The following NUF2 variants were observed in gnomAD, a reference collection of about 807,000 sequenced individuals.
NUF2 encodes the protein NUF2 component of NDC80 kinetochore complex.
Under a neutral mutation model 61.8 loss-of-function variants are expected in NUF2, and 34 were observed. The observed-to-expected ratio is 0.55, with a 90% CI of 0.42 to 0.73. NUF2 has a LOEUF of 0.73. NUF2 is among the 30% of genes least tolerant of loss of function. The probability of loss-of-function intolerance (pLI) is 0.00; values close to 1 mark genes in which losing one functional copy is unlikely to be tolerated. For missense variants in NUF2, 445 were observed against 539.1 expected, an observed-to-expected ratio of 0.83 and a Z score of 1.73; for synonymous variants, 172 against 181.6, an observed-to-expected ratio of 0.95 and a Z score of 0.42.
At chr1:163,323,744 G>C (rs1022295866) in intron 1 of NUF2, among the ~76,000 whole-genome samples, 5 of 151,940 alleles carry the variant, frequency 3.3e-5, no homozygotes, top group African/African-American at 7.3e-5. Context: ...TAGACAAAAC[G>C]TCCTAGCTCT....
intron 2 of NUF2, among the ~76,000 whole-genome samples, chr1:163,327,098 T>TCTTTAAAACACA (rs1553230626): frequency 0.025 from 841 of 33,360 alleles, 9 homozygotes; most frequent in African/African-American, 0.042. Context: ...TTTCCTGTGT[T>TCTTTAAAACACA]CACACACACA....
chr1:163,352,303 C>A (rs1435562809), intron 13 of NUF2, among the ~76,000 whole-genome samples: 1 of 152,200 alleles, frequency 6.6e-6, no homozygotes, highest in Non-Finnish European at 1.5e-5. Context: ...TGGATTGCAG[C>A]AACATTTGCT....
At chr1:163,326,404 T>TAAA (rs35847334) in intron 2 of NUF2, among the ~76,000 whole-genome samples, 3,504 of 147,422 alleles carry the variant, frequency 0.024, 108 homozygotes, top group African/African-American at 0.071. Context: ...GTCGTTTTCT[T>TAAA]AAAAAAAAAA....
chr1:163,339,416 A>T lies in NUF2; in HGVS notation c.545A>T (p.Gln182Leu). Residue 182 changes from glutamine (Q) to leucine (L), a missense_variant, in exon 8 of 14, where the codon CAG (glutamine) becomes CTG (leucine). Gln to Leu is a moderately radical substitution (Grantham distance 113, BLOSUM62 -2). Coordinates refer to ENST00000271452, the MANE Select transcript of NUF2 (RefSeq NM_145697.3). ...GTTGAAGAGCAAGAAGAGTTCAAGC[A>T]GCTTTCAGATGGAATTCAGGAGCTA... The part of the protein sequence containing the change: ...VPVEEQEEFK[Q>L]LSDGIQELQQ... 6.2e-7 allele frequency: 1 copy of T among 1,613,040 alleles called. No individual in the cohort carries two copies. The highest frequency in any genetic ancestry group is 2.2e-5 in the East Asian group (1 of 44,844).
intron 8 of NUF2, among the ~76,000 whole-genome samples, chr1:163,340,021 G>A (rs1032420961): frequency 2.6e-5 from 4 of 152,274 alleles, no homozygotes; most frequent in African/African-American, 4.8e-5. Context: ...TCCAACGTAC[G>A]TGAATTTATG....
Position 163,336,865 on chromosome 1 carries a change from T to C in NUF2, c.435+17T>C. ...TGGCAATATGTAAGATTTAAATATG[T>C]TTTGGGGTTACATGCCAGATCAGTA... On this transcript the variant is annotated intron_variant, in intron 6 of 13. Transcript: ENST00000271452. The C allele has an allele frequency of 6.6e-7, 1 of 1,508,302 alleles. No individual in the cohort carries two copies. Among genetic ancestry groups the C allele is most frequent in the South Asian group, 1.1e-5 (1 of 89,054 alleles). The allele number at this position is 1,508,302 out of a possible 1,614,324, so 93.4% of individuals were successfully genotyped here.
At chr1:163,338,959 A>T (rs750427167) in intron 7 of NUF2, among the ~76,000 whole-genome samples, 2 of 152,142 alleles carry the variant, frequency 1.3e-5, no homozygotes, top group Non-Finnish European at 2.9e-5. Flanking sequence ...AAATTTGAAA[A>T]CGTTCTTATA....
chr1:163,333,586 G>A (rs1406677383), intron 5 of NUF2, among the ~76,000 whole-genome samples: 1 of 151,740 alleles, frequency 6.6e-6, no homozygotes, highest in Non-Finnish European at 1.5e-5. Flanking sequence ...TGGCTTATCA[G>A]CTATATGTCT....
chr1:163,336,339 G>A (rs1396350068), intron 5 of NUF2, among the ~76,000 whole-genome samples: 2 of 152,060 alleles, frequency 1.3e-5, no homozygotes, highest in African/African-American at 4.8e-5. Flanking sequence ...TTTTATTTGT[G>A]TTCTCTTTCT....
At chr1:163,330,086 A>G (rs79934136) in intron 5 of NUF2, among the ~76,000 whole-genome samples, 498 of 152,278 alleles carry the variant, frequency 3.3e-3, no homozygotes, top group African/African-American at 0.011. Flanking sequence ...TTAGGGCAGT[A>G]ACAATACTCT....
intron 12 of NUF2, among the ~76,000 whole-genome samples, chr1:163,348,543 C>A (rs567216085): frequency 3.3e-5 from 5 of 152,168 alleles, no homozygotes; most frequent in African/African-American, 1.2e-4. Context: ...TGAAAAAGGG[C>A]AGAACTTAAG....
intron 11 of NUF2, 115 bp downstream of exon 11, chr1:163,345,933 A>T (rs981112045): frequency 3.6e-5 from 24 of 665,340 alleles, no homozygotes; most frequent in Non-Finnish European, 5.8e-5. Context: ...GTCATTCTAC[A>T]GTATAATAGA....
At chr1:163,334,213 C>T (rs2101674180) in intron 5 of NUF2, among the ~76,000 whole-genome samples, 2 of 152,230 alleles carry the variant, frequency 1.3e-5, no homozygotes, top group Middle Eastern at 6.8e-3. Context: ...AAATCCAATC[C>T]TCCACTGATT....
chr1:163,337,436 C>T (rs1650798797), intron 6 of NUF2, among the ~76,000 whole-genome samples: 2 of 152,158 alleles, frequency 1.3e-5, no homozygotes, highest in South Asian at 4.1e-4. Flanking sequence ...AGAGTAACTC[C>T]AAACACTTAG....
At position 163,355,442 on chromosome 1, in the gene NUF2, G is replaced by A; in HGVS notation, c.1368G>A (p.Lys456=). The A allele has an allele frequency of 1.3e-6, 2 of 1,597,242 alleles. No individual in the cohort carries two copies. The highest frequency in any genetic ancestry group is 1.7e-6 in the Non-Finnish European group (2 of 1,171,924). ...TAGATGAGAAGACAGCTGAACTGAA[G>A]AGGAAGATGTTCAAAATGTCAACCT... The part of the protein sequence containing the change: ...AKIDEKTAEL[K]RKMFKMST The change falls in exon 14 of 14, where the codon AAG becomes AAA. Residue 456 remains lysine (K), a synonymous_variant. Coordinates refer to ENST00000271452, the MANE Select transcript of NUF2 (RefSeq NM_145697.3).
chr1:163,349,036 C>A lies in NUF2; in HGVS notation c.1216C>A (p.Gln406Lys). ...AATCCAAAAAATTAAACTTGGAATT[C>A]AACAACTAAAAGATGCTGCTGAAAG... ...QEIQKIKLGI[Q>K]QLKDAAEREK... The change falls in exon 13 of 14, where the codon CAA becomes AAA. Residue 406 changes from glutamine (Q) to lysine (K), a missense_variant. Transcript: ENST00000271452. 6.2e-7 allele frequency: 1 copy of A among 1,612,076 alleles called. No individual in the cohort carries two copies. The highest frequency in any genetic ancestry group is 1.1e-5 in the South Asian group (1 of 90,570).
intron 8 of NUF2, 100 bp downstream of exon 8, chr1:163,339,577 C>T (rs1027367819): frequency 1.5e-6 from 1 of 669,648 alleles, no homozygotes; most frequent in African/African-American, 1.8e-5. Context: ...TTCTCTATTA[C>T]CAAAGAAACA....
At position 163,355,476 on chromosome 1, in the gene NUF2, A is replaced by G. The variant is rs367996407; in HGVS notation, c.*7A>G. 9.5e-6 allele frequency: 15 copies of G among 1,578,670 alleles called. No individual in the cohort carries two copies. The South Asian group carries it at 1.3e-4, about 14-fold the overall frequency. ...GTTCAAAATGTCAACCTGATTAACAAAATTACATGTCTTTTTGTAAATGGC... is the reference window on the plus strand; with the variant it reads ...GTTCAAAATGTCAACCTGATTAACAGAATTACATGTCTTTTTGTAAATGGC... On this transcript the variant is annotated 3_prime_UTR_variant, in exon 14 of 14. Transcript: ENST00000271452.
chr1:163,346,898 G>A (rs1006485534), intron 11 of NUF2, among the ~76,000 whole-genome samples: 5 of 152,054 alleles, frequency 3.3e-5, no homozygotes, highest in African/African-American at 1.2e-4. Context: ...GTAGGATGGC[G>A]CAAGATTTAA....
Sources: gnomAD v4.1 joint callset for allele counts (sites outside exome capture counted in the v4.1 genomes callset) on GRCh38, gnomAD v4.1.1 for gene constraint, MANE v1.5 for transcripts, NCBI Gene and HGNC (gene_info 2026-07-23, HGNC 2026-07-21) for gene names.